Variants in CAMK1D observed in about 807,000 individuals in gnomAD.
CAMK1D encodes the protein calcium/calmodulin dependent protein kinase ID.
Under a neutral mutation model 47.7 loss-of-function variants are expected in CAMK1D, and 9 were observed. The ratio of observed to expected loss-of-function variants is 0.19; its 90% CI spans 0.11 to 0.33. The LOEUF is 0.33. CAMK1D is among the 10% of genes least tolerant of loss of function. The pLI, the probability that CAMK1D is intolerant of heterozygous loss-of-function variation, is 1.00. For missense variants in CAMK1D, 291 were observed against 488.7 expected (o/e 0.60, Z 3.81); for synonymous variants, 184 against 184.9 (o/e 0.99, Z 0.04).
chr10:12,565,955 C>T (rs1220012803), intron 2 of CAMK1D, among the ~76,000 whole-genome samples: 1 of 152,060 alleles, frequency 6.6e-6, no homozygotes, highest in Admixed American at 6.6e-5. Context: ...ACTGTGGCTT[C>T]TCAGCTACTA....
intron 2 of CAMK1D, among the ~76,000 whole-genome samples, chr10:12,585,347 T>C (rs1024099367): frequency 8.5e-5 from 13 of 152,172 alleles, no homozygotes; most frequent in African/African-American, 3.1e-4. Flanking sequence ...TTGAAAAATA[T>C]GGATTTAAGC....
chr10:12,791,004 TA>T (rs10717134), intron 5 of CAMK1D, among the ~76,000 whole-genome samples, 153 bp from the exon 6 acceptor site: 65,808 of 148,486 alleles, frequency 0.44, 14,456 homozygotes, highest in East Asian at 0.62. Flanking sequence ...TTCCTTCCTT[TA>T]AAAAAAAAAA....
chr10:12,563,865 C>T (rs182379202), intron 2 of CAMK1D, among the ~76,000 whole-genome samples: 47 of 152,234 alleles, frequency 3.1e-4, no homozygotes, highest in Admixed American at 1.8e-3. Context: ...ACCAGTGTTG[C>T]GTCTTTGCAT....
At chr10:12,390,004 G>A (rs564332807) in intron 1 of CAMK1D, among the ~76,000 whole-genome samples, 13 of 152,152 alleles carry the variant, frequency 8.5e-5, no homozygotes, top group African/African-American at 1.9e-4. Context: ...GGCAAGGTGA[G>A]TTTAACTTTT....
At chr10:12,521,092 T>C (rs11528713) in intron 1 of CAMK1D, among the ~76,000 whole-genome samples, 79,556 of 151,546 alleles carry the variant, frequency 0.52, 21,030 homozygotes, top group South Asian at 0.68. Flanking sequence ...TTGATTTGCT[T>C]TATTGTTTTT....
chr10:12,566,020 A>G (rs758243982), intron 2 of CAMK1D, among the ~76,000 whole-genome samples: 15 of 152,196 alleles, frequency 9.9e-5, no homozygotes, highest in Non-Finnish European at 1.9e-4. Context: ...CTGAGTTTGC[A>G]TCAGACTCCT....
intron 2 of CAMK1D, among the ~76,000 whole-genome samples, chr10:12,660,228 C>CT (rs1029584818): frequency 7.9e-5 from 12 of 152,308 alleles, no homozygotes; most frequent in African/African-American, 2.9e-4. Flanking sequence ...AAATGCTGAA[C>CT]TTTTTTTCTC....
At chr10:12,508,182 G>A (rs1329895210) in intron 1 of CAMK1D, among the ~76,000 whole-genome samples, 1 of 152,234 alleles carries the variant, frequency 6.6e-6, no homozygotes, top group Non-Finnish European at 1.5e-5. Flanking sequence ...TATGTCCTTG[G>A]CACCTCAGCT....
chr10:12,662,392 G>A (rs1000864392), intron 2 of CAMK1D, among the ~76,000 whole-genome samples: 9 of 152,126 alleles, frequency 5.9e-5, no homozygotes, highest in African/African-American at 1.4e-4. Flanking sequence ...AATGGCTCAC[G>A]CCTGTAATCC....
chr10:12,421,383 C>T (rs1049094799), intron 1 of CAMK1D, among the ~76,000 whole-genome samples: 1 of 152,082 alleles, frequency 6.6e-6, no homozygotes, highest in Non-Finnish European at 1.5e-5. Flanking sequence ...AGCTTCAAAC[C>T]CAGATGTTCC....
rs1833367061 is a variant in CAMK1D, at chr10:12,829,132, C to T, written c.*245C>T. ...TCTGGTGCTGTATATACGAATCTTGCAAAGCTCTAACTGAACGGACCTTCT... is the reference window on the plus strand; with the variant it reads ...TCTGGTGCTGTATATACGAATCTTGTAAAGCTCTAACTGAACGGACCTTCT... On this transcript the variant is annotated 3_prime_UTR_variant, in exon 11 of 11. Transcript: ENST00000619168. The T allele has an allele frequency of 2.3e-6, 1 of 427,288 alleles. No homozygotes were observed. The highest frequency in any genetic ancestry group is 4.1e-6 in the Non-Finnish European group (1 of 241,084). 26.5% of individuals were successfully genotyped at this position (427,288 alleles called of 1,614,324 possible). A position where few individuals can be genotyped will look rare whatever the true frequency, so the allele number is the denominator to read the frequency against.
intron 1 of CAMK1D, among the ~76,000 whole-genome samples, chr10:12,536,398 C>T (rs534847161): frequency 5.0e-4 from 76 of 152,296 alleles, no homozygotes; most frequent in African/African-American, 1.8e-3. Context: ...CCTACCTTAG[C>T]CTCCAGAGTA....
chr10:12,452,981 T>C (rs1290822486), intron 1 of CAMK1D, among the ~76,000 whole-genome samples: 3 of 152,150 alleles, frequency 2.0e-5, no homozygotes, highest in Non-Finnish European at 4.4e-5. Flanking sequence ...ACAGAAACTC[T>C]GCCCTCATTC....
intron 3 of CAMK1D, among the ~76,000 whole-genome samples, chr10:12,671,607 A>G (rs78310621): frequency 0.061 from 9,194 of 150,696 alleles, 286 homozygotes; most frequent in African/African-American, 0.079. Context: ...GGAGATATGT[A>G]TATATATATA....
chr10:12,569,746 T>G (rs938924491), intron 2 of CAMK1D, among the ~76,000 whole-genome samples: 2 of 106,116 alleles, frequency 1.9e-5, no homozygotes, highest in African/African-American at 7.9e-5. Context: ...AAAAAAAAAT[T>G]GTGTGGTGAA....
intron 2 of CAMK1D, among the ~76,000 whole-genome samples, chr10:12,561,634 C>A (rs1452681820): frequency 6.6e-6 from 1 of 152,108 alleles, no homozygotes. Context: ...ATTTGGTGAT[C>A]GTTGTTTATT....
At chr10:12,466,013 C>T (rs776599134) in intron 1 of CAMK1D, among the ~76,000 whole-genome samples, 15 of 152,262 alleles carry the variant, frequency 9.9e-5, no homozygotes, top group Admixed American at 3.9e-4. Context: ...GCCTCAGTTT[C>T]TTCATTTAAA....
chr10:12,745,483 A>G (rs1564531387), intron 3 of CAMK1D, among the ~76,000 whole-genome samples: 1 of 152,266 alleles, frequency 6.6e-6, no homozygotes, highest in Non-Finnish European at 1.5e-5. Flanking sequence ...CAATTCTGGT[A>G]GTGCTGAAGA....
intron 3 of CAMK1D, among the ~76,000 whole-genome samples, chr10:12,675,905 T>C (rs1430017786): frequency 6.6e-6 from 1 of 152,206 alleles, no homozygotes; most frequent in Non-Finnish European, 1.5e-5. Context: ...TTGTTTCTGA[T>C]ATTCTTTCTG....
Sources: gnomAD v4.1 joint callset for allele counts (sites outside exome capture counted in the v4.1 genomes callset) on GRCh38, gnomAD v4.1.1 for gene constraint, MANE v1.5 for transcripts, NCBI Gene and HGNC (gene_info 2026-07-23, HGNC 2026-07-21) for gene names.